The following ARMC2 variants were observed in gnomAD, a reference collection of about 807,000 sequenced individuals.
The protein encoded by ARMC2 is armadillo repeat-containing protein 2.
Under a neutral mutation model 90.3 loss-of-function variants are expected in ARMC2, and 67 were observed. That is an observed-to-expected ratio of 0.74 (90% CI 0.61 to 0.91). The LOEUF (loss-of-function observed/expected upper bound fraction) is 0.91. ARMC2 is among the 40% of genes least tolerant of loss of function. The probability of loss-of-function intolerance (pLI) is 0.00; values close to 1 mark genes in which losing one functional copy is unlikely to be tolerated. For synonymous variants in ARMC2, 393 were observed against 393.0 expected (o/e 1.00, Z 0.00); for missense variants, 920 against 1,030.9 (o/e 0.89, Z 1.47).
the ARMC2 span, chr6:108,988,502 T>C: frequency 1.2e-5 from 18 of 1,554,890 alleles, no homozygotes; most frequent in Non-Finnish European, 1.5e-5. Flanking sequence ...CTACGAATCA[T>C]TGCTAAGTTA....
the ARMC2 span, among the ~76,000 whole-genome samples, chr6:109,036,800 A>G: frequency 1.3e-5 from 2 of 152,198 alleles, no homozygotes; most frequent in Non-Finnish European, 2.9e-5. Context: ...TTAGTAGAGT[A>G]TCATATGTTC....
the ARMC2 span, among the ~76,000 whole-genome samples, chr6:109,005,654 G>T: frequency 1.3e-5 from 2 of 152,100 alleles, no homozygotes; most frequent in African/African-American, 4.8e-5. Flanking sequence ...TCTTGTCTTT[G>T]TAAGTCCATC....
intron 10 of ARMC2, among the ~76,000 whole-genome samples, chr6:108,913,108 T>A (rs1475605146): frequency 6.6e-6 from 1 of 152,222 alleles, no homozygotes; most frequent in African/African-American, 2.4e-5. Flanking sequence ...GTTAGGGTTT[T>A]ATTACTTCTG....
At chr6:108,934,747 T>C (rs567372538) in intron 11 of ARMC2, among the ~76,000 whole-genome samples, 7 of 152,342 alleles carry the variant, frequency 4.6e-5, no homozygotes, top group African/African-American at 1.4e-4. Flanking sequence ...TTGTAGGAAT[T>C]TGATAATTTT....
At chr6:108,931,651 GATTTGTATTTCTCTAATGT>G (rs1245186495) in intron 11 of ARMC2, among the ~76,000 whole-genome samples, 4 of 151,798 alleles carry the variant, frequency 2.6e-5, no homozygotes, top group Admixed American at 2.6e-4. Flanking sequence ...TTGTGGCTTT[GATTTGTATTTCTCTAATGT>G]ATTTGTATTT....
intron 7 of ARMC2, among the ~76,000 whole-genome samples, chr6:108,901,143 T>G (rs1772104474): frequency 8.8e-6 from 1 of 113,838 alleles, no homozygotes; most frequent in African/African-American, 3.4e-5. Flanking sequence ...TTTGAGACAG[T>G]CGCTCTGTCA....
At chr6:108,937,872 A>T (rs1162152265) in intron 12 of ARMC2, among the ~76,000 whole-genome samples, 39 of 150,806 alleles carry the variant, frequency 2.6e-4, no homozygotes, top group African/African-American at 9.5e-4. Flanking sequence ...TTGTTTTTGT[A>T]CTTTTAGTAG....
intron 11 of ARMC2, among the ~76,000 whole-genome samples, chr6:108,936,026 A>G (rs1029848942): frequency 1.3e-5 from 2 of 152,158 alleles, no homozygotes; most frequent in African/African-American, 2.4e-5. Flanking sequence ...TGATTCATCA[A>G]TTAGGAAGAA....
chr6:108,855,587 T>C (rs777365544), intron 2 of ARMC2, among the ~76,000 whole-genome samples: 5 of 152,204 alleles, frequency 3.3e-5, no homozygotes, highest in Middle Eastern at 3.2e-3. Flanking sequence ...CCAAGGAGCA[T>C]GATTGCTGGA....
chr6:109,017,993 C>A, the ARMC2 span, among the ~76,000 whole-genome samples: 1 of 152,106 alleles, frequency 6.6e-6, no homozygotes, highest in African/African-American at 2.4e-5. Flanking sequence ...ATGGCGAGAA[C>A]CCTGTCTCTT....
intron 4 of ARMC2, among the ~76,000 whole-genome samples, 155 bp downstream of exon 4, chr6:108,869,150 G>C (rs1464012467): frequency 6.6e-6 from 1 of 152,140 alleles, no homozygotes; most frequent in Admixed American, 6.5e-5. Flanking sequence ...AAGAAACATT[G>C]TTCATATATT....
chr6:108,909,283 G>C (rs1773145122), intron 8 of ARMC2, among the ~76,000 whole-genome samples: 2 of 151,634 alleles, frequency 1.3e-5, no homozygotes, highest in South Asian at 2.1e-4. Flanking sequence ...TCACAGTTAT[G>C]CTTTTTTGTG....
At chr6:108,995,480 C>CTGCT in the ARMC2 span, among the ~76,000 whole-genome samples, 7 of 152,214 alleles carry the variant, frequency 4.6e-5, no homozygotes, top group Admixed American at 2.6e-4. Flanking sequence ...CAGTGTCACA[C>CTGCT]ATAGAGTAAT....
At chr6:108,998,926 A>C in the ARMC2 span, 1 of 590,634 alleles carries the variant, frequency 1.7e-6, no homozygotes, top group Non-Finnish European at 2.8e-6. Flanking sequence ...ATGAATATGC[A>C]TTCACAAATA....
intron 13 of ARMC2, among the ~76,000 whole-genome samples, chr6:108,956,574 G>T (rs564193821): frequency 6.6e-6 from 1 of 151,126 alleles, no homozygotes; most frequent in Non-Finnish European, 1.5e-5. Context: ...GGTGGGACAC[G>T]CCTGTGATCT....
At chr6:108,995,326 T>C in the ARMC2 span, among the ~76,000 whole-genome samples, 1 of 152,220 alleles carries the variant, frequency 6.6e-6, no homozygotes, top group Non-Finnish European at 1.5e-5. Flanking sequence ...GGCATACATA[T>C]TGTCAATGTG....
At chr6:108,930,964 G>A (rs868791710) in intron 11 of ARMC2, among the ~76,000 whole-genome samples, 1 of 148,594 alleles carries the variant, frequency 6.7e-6, no homozygotes, top group Non-Finnish European at 1.5e-5. Flanking sequence ...TTGTTACATA[G>A]GTAAACTCAT....
At chr6:108,900,579 A>G (rs1387380364) in intron 7 of ARMC2, among the ~76,000 whole-genome samples, 1 of 152,216 alleles carries the variant, frequency 6.6e-6, no homozygotes, top group Non-Finnish European at 1.5e-5. Flanking sequence ...TAAGAGAAGC[A>G]GGGTAAATGA....
At chr6:108,914,379 C>G (rs976565839) in intron 10 of ARMC2, among the ~76,000 whole-genome samples, 7 of 152,284 alleles carry the variant, frequency 4.6e-5, no homozygotes, top group South Asian at 4.1e-4. Context: ...TCGGATCCCC[C>G]CTCCTTTCCT....
Sources: gnomAD v4.1 joint callset for allele counts (sites outside exome capture counted in the v4.1 genomes callset) on GRCh38, gnomAD v4.1.1 for gene constraint, MANE v1.5 for transcripts, NCBI Gene and HGNC (gene_info 2026-07-23, HGNC 2026-07-21) for gene names.